NAP1L1: variants seen among roughly 807,000 people sequenced by gnomAD.
NAP1L1 encodes the protein nucleosome assembly protein 1-like 1.
Under a neutral mutation model 58.9 loss-of-function variants are expected in NAP1L1, and 9 were observed. The ratio of observed to expected loss-of-function variants is 0.15; its 90% CI spans 0.09 to 0.27. NAP1L1 has a LOEUF of 0.27. Among genes scored for constraint, NAP1L1 ranks in the 10% least tolerant of loss-of-function variants. The pLI, the probability that NAP1L1 is intolerant of heterozygous loss-of-function variation, is 1.00. For synonymous variants in NAP1L1, 130 were observed against 138.3 expected, an observed-to-expected ratio of 0.94 and a Z score of 0.42; for missense variants, 302 against 458.8, an observed-to-expected ratio of 0.66 and a Z score of 3.12.
chr12:76,048,547 T>C (rs1183151649), intron 14 of NAP1L1, 83 bp from the exon 15 acceptor site: 18 of 1,349,488 alleles, frequency 1.3e-5, no homozygotes, highest in Middle Eastern at 1.8e-4. Context: ...GCCTTAATTA[T>C]AACAGTAGCT....
intron 3 of NAP1L1, 128 bp downstream of exon 3, chr12:76,068,781 A>ACACACAC (rs1384015314): frequency 4.5e-6 from 2 of 441,312 alleles, no homozygotes; most frequent in African/African-American, 6.4e-5. Context: ...CACACACACT[A>ACACACAC]GAAGTATGGA....
At chr12:76,069,436 T>C (rs1487299380) in intron 2 of NAP1L1, among the ~76,000 whole-genome samples, 6 of 152,220 alleles carry the variant, frequency 3.9e-5, no homozygotes, top group Non-Finnish European at 7.3e-5. Context: ...AATGCTGTAT[T>C]TCTTTGAGGA....
At position 76,048,344 on chromosome 12, in the gene NAP1L1, A is replaced by G; in HGVS notation, c.*85T>C. On this transcript the variant is annotated 3_prime_UTR_variant, in exon 15 of 15. Coordinates refer to ENST00000618691, the MANE Select transcript of NAP1L1 (RefSeq NM_004537.7). ...AAATTACCTAGTCTACCAAGAAAAT[A>G]CAAAAACATAAGGCTGTAAGTAAAT... 1 of 1,493,130 alleles carries G rather than the reference A, an allele frequency of 6.7e-7. No homozygotes were observed. The highest frequency in any genetic ancestry group is 9.2e-7 in the Non-Finnish European group (1 of 1,092,270). The allele number at this position is 1,493,130 out of a possible 1,614,324, so 92.5% of individuals were successfully genotyped here.
At chr12:76,064,519 G>A (rs1448627488) in intron 4 of NAP1L1, among the ~76,000 whole-genome samples, 1 of 151,568 alleles carries the variant, frequency 6.6e-6, no homozygotes, top group Admixed American at 6.6e-5. Context: ...TTAAAAAACT[G>A]GAAAGAATAA....
chr12:76,060,533 C>G (rs1949361135), intron 4 of NAP1L1, among the ~76,000 whole-genome samples: 1 of 152,108 alleles, frequency 6.6e-6, no homozygotes, highest in African/African-American at 2.4e-5. Context: ...AATCTTTACC[C>G]AAGTTAAGTG....
intron 2 of NAP1L1, among the ~76,000 whole-genome samples, chr12:76,071,403 C>T (rs1949946903): frequency 6.6e-6 from 1 of 152,152 alleles, no homozygotes; most frequent in South Asian, 2.1e-4. Flanking sequence ...GTTAAGATGG[C>T]AGATGCCACA....
Position 76,039,216 on chromosome 12 carries a change from T to C in NAP1L1, c.*9213A>G, listed in dbSNP as rs1184605836. The stretch of plus-strand genomic sequence containing the variant: ...AGCTCTATTTTATTTACTATCCTAC[T>C]TTTAGCACTGTGAGCATAAACCATA... On this transcript the variant is annotated 3_prime_UTR_variant, in exon 15 of 15. Coordinates refer to ENST00000618691, the MANE Select transcript of NAP1L1 (RefSeq NM_004537.7). The C allele has an allele frequency of 6.6e-6, 1 of 152,210 alleles. No individual in the cohort carries two copies. Among genetic ancestry groups the C allele is most frequent in the African/African-American group, 2.4e-5 (1 of 41,450 alleles). 9.4% of individuals were successfully genotyped at this position (152,210 alleles called of 1,614,324 possible). A position where few individuals can be genotyped will look rare whatever the true frequency, so the allele number is the denominator to read the frequency against.
intron 1 of NAP1L1, among the ~76,000 whole-genome samples, chr12:76,076,549 AATATATATAT>A (rs58649228): frequency 0.01 from 1,236 of 120,574 alleles, 22 homozygotes; most frequent in African/African-American, 0.018. Flanking sequence ...TGGATATGGA[AATATATATAT>A]ATATATATAT....
chr12:76,074,404 C>G (rs547810206), intron 1 of NAP1L1, 165 bp from the exon 2 acceptor site: 1 of 963,608 alleles, frequency 1.0e-6, no homozygotes, highest in East Asian at 1.1e-4. Flanking sequence ...ATGGAACATG[C>G]AAATTCTTCC....
intron 13 of NAP1L1, 173 bp downstream of exon 13, chr12:76,049,583 T>G: frequency 2.0e-6 from 3 of 1,524,530 alleles, no homozygotes; most frequent in Non-Finnish European, 2.6e-6. Flanking sequence ...TGCAATTTAT[T>G]TATTGAAACC....
intron 3 of NAP1L1, among the ~76,000 whole-genome samples, chr12:76,067,841 A>T (rs1384769335): frequency 6.6e-6 from 1 of 152,222 alleles, no homozygotes; most frequent in African/African-American, 2.4e-5. Context: ...CAGACAACAC[A>T]TATCAGAAAA....
intron 3 of NAP1L1, among the ~76,000 whole-genome samples, chr12:76,067,864 T>C: frequency 6.6e-6 from 1 of 152,324 alleles, no homozygotes; most frequent in South Asian, 2.1e-4. Flanking sequence ...GCAAATATAC[T>C]GACAGTTTTA....
rs1948606222 is a variant in NAP1L1, at chr12:76,046,296, T to C, written c.*2133A>G. ...ATAAACACTGACGTCCCTTAAAACT[T>C]CAATTTTATAAAGAAAATTCTTCTG... On this transcript the variant is annotated 3_prime_UTR_variant, in exon 15 of 15. Coordinates refer to ENST00000618691, the MANE Select transcript of NAP1L1 (RefSeq NM_004537.7). 6.6e-6 allele frequency: 1 copy of C among 152,420 alleles called. No homozygotes were observed. The highest frequency in any genetic ancestry group is 6.6e-5 in the Admixed American group (1 of 15,248). The allele number at this position is 152,420 out of a possible 1,614,324, so 9.4% of individuals were successfully genotyped here.
In NAP1L1 at chr12:76,037,542, A is replaced by C. The variant is rs1871078071; in HGVS notation, c.*10887T>G. ...TCTTAAAACATGACAGAAAACTTCT[A>C]TTCGCCTCCAATTGTATACATTCCA... On this transcript the variant is annotated 3_prime_UTR_variant, in exon 15 of 15. Coordinates refer to ENST00000618691, the MANE Select transcript of NAP1L1 (RefSeq NM_004537.7). The C allele has an allele frequency of 6.6e-6, 1 of 152,198 alleles. No individual in the cohort carries two copies. The highest frequency in any genetic ancestry group is 2.4e-5 in the African/African-American group (1 of 41,428). 9.4% of individuals were successfully genotyped at this position (152,198 alleles called of 1,614,324 possible).
At chr12:76,075,818 C>T (rs999688568) in intron 1 of NAP1L1, among the ~76,000 whole-genome samples, 3 of 152,002 alleles carry the variant, frequency 2.0e-5, no homozygotes, top group African/African-American at 7.2e-5. Context: ...GCTAGTGTTC[C>T]CGTATCTTTT....
At chr12:76,073,235 TGAA>T (rs1004275697) in intron 2 of NAP1L1, among the ~76,000 whole-genome samples, 5 of 152,062 alleles carry the variant, frequency 3.3e-5, no homozygotes, top group African/African-American at 1.2e-4. Context: ...GATCTTGTAC[TGAA>T]GTTTCCAGCC....
intron 3 of NAP1L1, 52 bp downstream of exon 3, chr12:76,068,857 T>C: frequency 7.5e-7 from 1 of 1,332,418 alleles, no homozygotes; most frequent in Non-Finnish European, 1.1e-6. Context: ...AACTACCCTC[T>C]AGTAGACATG....
chr12:76,040,052 G>A lies in NAP1L1; in HGVS notation c.*8377C>T, dbSNP rs748884819. The stretch of plus-strand genomic sequence containing the variant: ...ATTTTTGTCTGAGGGAGTTCACTAC[G>A]TTATAGCTTGAATTATAGCTGGAAA... On this transcript the variant is annotated 3_prime_UTR_variant, in exon 15 of 15. Transcript: ENST00000618691. 9 of 152,188 alleles carry A rather than the reference G, an allele frequency of 5.9e-5. No homozygotes were observed. In the East Asian group the frequency reaches 7.7e-4, roughly 13 times the overall value. The allele number at this position is 152,188 out of a possible 1,614,324, so 9.4% of individuals were successfully genotyped here.
chr12:76,055,894 T>G, intron 7 of NAP1L1, 139 bp downstream of exon 7: 1 of 864,458 alleles, frequency 1.2e-6, no homozygotes, highest in South Asian at 1.6e-5. Context: ...CTGTAATTTC[T>G]CTTCTACAGA....
Sources: allele counts gnomAD v4.1 joint callset (sites outside exome capture counted in the v4.1 genomes callset), GRCh38; gene constraint gnomAD v4.1.1; transcripts MANE v1.5; gene names NCBI Gene and HGNC (gene_info 2026-07-23, HGNC 2026-07-21).